The following SYNE2 variants were observed in gnomAD, a reference collection of about 807,000 sequenced individuals.
SYNE2 encodes the protein nesprin-2.
A neutral mutation model predicts 856.3 loss-of-function variants in SYNE2; 431 were observed. The ratio of observed to expected loss-of-function variants is 0.50; its 90% CI spans 0.47 to 0.55. SYNE2 has a LOEUF of 0.55. Among genes scored for constraint, SYNE2 ranks in the 20% least tolerant of loss-of-function variants. SYNE2 has a pLI of 0.00. For synonymous variants in SYNE2, 2,923 were observed against 2,872.3 expected (o/e 1.02, Z -0.56); for missense variants, 8,129 against 8,023.2 (o/e 1.01, Z -0.50).
chr14:64,200,461 C>T (rs2098557052), intron 99 of SYNE2, among the ~76,000 whole-genome samples: 1 of 152,204 alleles, frequency 6.6e-6, no homozygotes, highest in Admixed American at 6.5e-5. Context: ...CAGGGGTTCT[C>T]AGCTACCCTG....
chr14:63,925,973 C>A (rs181544070), intron 2 of SYNE2, among the ~76,000 whole-genome samples: 2 of 152,100 alleles, frequency 1.3e-5, no homozygotes, highest in African/African-American at 2.4e-5. Context: ...CCCACCTCAG[C>A]CCCCCAAACA....
At chr14:64,210,600 C>G (rs2098635542) in intron 103 of SYNE2, among the ~76,000 whole-genome samples, 3 of 152,204 alleles carry the variant, frequency 2.0e-5, no homozygotes, top group Admixed American at 6.5e-5. Flanking sequence ...TGATTATTCT[C>G]TGAATTTCAG....
In SYNE2 at chr14:64,177,465, C is replaced by G; in HGVS notation, c.17538C>G (p.Asn5846Lys). 1 of 1,614,070 alleles carries G rather than the reference C, an allele frequency of 6.2e-7. No individual in the cohort carries two copies. The highest frequency in any genetic ancestry group is 1.1e-5 in the South Asian group (1 of 91,076). ...CAGAGCTTCACGAGGACCTCCATAA[C>G]GAAAAAGAGCTGATTAAGGTATTGA... ...PLPELHEDLH[N>K]EKELIKELEQ... Residue 5846 changes from asparagine (N) to lysine (K), a missense_variant, in exon 96 of 116, where the codon AAC (asparagine) becomes AAG (lysine). Asn to Lys is a moderately conservative substitution (Grantham distance 94). Around this residue, in one of 3 missense-constraint regions of SYNE2, gnomAD observed 5,410 missense variants for 5,284.8 expected, o/e 1.02. Transcript: ENST00000555002.
chr14:64,130,285 G>C lies in SYNE2; in HGVS notation c.14340+37G>C, dbSNP rs1294521833. Reference sequence around the variant, plus strand: ...ACATGGGTCGGGTGACCCCTTCATAGACTAAAATCTTAAGGTATTTCTGAA... The same window carrying C: ...ACATGGGTCGGGTGACCCCTTCATACACTAAAATCTTAAGGTATTTCTGAA... On this transcript the variant is annotated intron_variant, in intron 76 of 115. Coordinates refer to ENST00000555002, the MANE Select transcript of SYNE2 (RefSeq NM_182914.3). 4 of 1,537,538 alleles carry C rather than the reference G, an allele frequency of 2.6e-6. No homozygotes were observed. In the African/African-American group the frequency reaches 4.1e-5, roughly 16 times the overall value.
chr14:64,159,192 T>A, intron 86 of SYNE2, 120 bp from the exon 87 acceptor site: 2 of 1,351,054 alleles, frequency 1.5e-6, no homozygotes, highest in Non-Finnish European at 2.1e-6. Context: ...CCTAATAGTT[T>A]ATCAGAGCTG....
At chr14:63,839,767 T>C (rs777637392) in intron 1 of SYNE2, among the ~76,000 whole-genome samples, 24 of 152,232 alleles carry the variant, frequency 1.6e-4, no homozygotes, top group Non-Finnish European at 2.5e-4. Flanking sequence ...TCTAGGTCTT[T>C]ATTATGTGCG....
rs555774132 is a variant in SYNE2, at chr14:63,988,046, T to C, written c.2313+1429T>C. On this transcript the variant is annotated intron_variant, in intron 19 of 115. Transcript: ENST00000555002. ...CTGAGTCTATCTTAATCCTGTGTTA[T>C]GCTCAGCTCCTAGTACATGGTAGAC... Among the ~76,000 whole-genome samples the C allele has an allele frequency of 5.9e-5, 9 of 152,354 alleles. No homozygotes were observed. The South Asian group carries it at 1.7e-3, about 28-fold the overall frequency.
At chr14:63,919,956 A>G (rs2095577046) in intron 2 of SYNE2, among the ~76,000 whole-genome samples, 3 of 134,194 alleles carry the variant, frequency 2.2e-5, no homozygotes, top group Non-Finnish European at 4.9e-5. Context: ...GATATCAGGC[A>G]CATGATAAAA....
In SYNE2 at chr14:64,003,247, A is replaced by G. The variant is rs1346447101; in HGVS notation, c.4314A>G (p.Glu1438=). Residue 1438 remains glutamate (E), a synonymous_variant, in exon 30 of 116, where the codon GAA becomes GAG. Coordinates refer to ENST00000555002, the MANE Select transcript of SYNE2 (RefSeq NM_182914.3). ...LLEACIFKNN[E]LLKNIQDVQS... The stretch of plus-strand genomic sequence containing the variant: ...AGGCTTGTATTTTCAAAAATAATGA[A>G]CTCCTTAAAAATATTCAAGATGTGC... 6.2e-7 allele frequency: 1 copy of G among 1,613,548 alleles called. No individual in the cohort carries two copies. The highest frequency in any genetic ancestry group is 8.5e-7 in the Non-Finnish European group (1 of 1,179,884).
chr14:64,021,010 A>G lies in SYNE2; in HGVS notation c.5152-305A>G, dbSNP rs531690776. ...TTCCATATATTTTTCTTTATATTTT[A>G]TGTCATGAGCACCATGAGACAGCAC... On this transcript the variant is annotated intron_variant, in intron 35 of 115. Coordinates refer to ENST00000555002, the MANE Select transcript of SYNE2 (RefSeq NM_182914.3). 2.0e-5 allele frequency among the ~76,000 whole-genome samples: 3 copies of G among 152,260 alleles called. No homozygotes were observed. In the East Asian group the frequency reaches 5.8e-4, roughly 29 times the overall value.
At chr14:63,797,072 T>C (rs1183162040) in intron 1 of SYNE2, among the ~76,000 whole-genome samples, 4 of 106,004 alleles carry the variant, frequency 3.8e-5, no homozygotes, top group South Asian at 3.0e-4. Flanking sequence ...GAGTAAGACT[T>C]CATCTCAAAA....
Position 63,943,710 on chromosome 14 carries a change from G to A in SYNE2, c.408+1567G>A, listed in dbSNP as rs201337459. On this transcript the variant is annotated intron_variant, in intron 6 of 115. Coordinates refer to ENST00000555002, the MANE Select transcript of SYNE2 (RefSeq NM_182914.3). ...TTTTGAGACAGAGTCTTGCTCTGTC[G>A]CCCAGGCTGGAGTGCAGTGGCACGA... 1.5e-3 allele frequency among the ~76,000 whole-genome samples: 221 copies of A among 149,410 alleles called. 2 individuals are homozygous for A. In the East Asian group the frequency reaches 0.015, roughly 10 times the overall value.
intron 1 of SYNE2, among the ~76,000 whole-genome samples, chr14:63,812,805 T>C (rs1888664362): frequency 6.6e-6 from 1 of 152,154 alleles, no homozygotes; most frequent in Non-Finnish European, 1.5e-5. Flanking sequence ...TTAGAAAAAC[T>C]AGCTTCTAGG....
intron 32 of SYNE2, among the ~76,000 whole-genome samples, chr14:64,015,488 A>G (rs543337352): frequency 6.6e-6 from 1 of 152,218 alleles, no homozygotes; most frequent in Non-Finnish European, 1.5e-5. Flanking sequence ...AGTTATTTGT[A>G]GCATTAACTT....
intron 1 of SYNE2, among the ~76,000 whole-genome samples, chr14:63,804,769 C>T (rs556158707): frequency 5.3e-4 from 80 of 152,268 alleles, no homozygotes; most frequent in Middle Eastern, 3.4e-3. Context: ...GCTGTGATTA[C>T]GGGTGTGAGC....
At chr14:63,917,572 G>A (rs150643846) in intron 2 of SYNE2, among the ~76,000 whole-genome samples, 4,700 of 152,282 alleles carry the variant, frequency 0.031, 258 homozygotes, top group African/African-American at 0.11. Flanking sequence ...CCAGGTTCAA[G>A]TGATTCTCCT....
At chr14:64,138,424 G>A (rs541054507) in intron 79 of SYNE2, among the ~76,000 whole-genome samples, 1 of 151,836 alleles carries the variant, frequency 6.6e-6, no homozygotes, top group East Asian at 1.9e-4. Flanking sequence ...TGTAGAGATG[G>A]GGTCTCACAT....
At chr14:64,033,379 A>G (rs1318805733) in intron 45 of SYNE2, among the ~76,000 whole-genome samples, 1 of 152,160 alleles carries the variant, frequency 6.6e-6, no homozygotes, top group Non-Finnish European at 1.5e-5. Flanking sequence ...TCATAATCTA[A>G]AAATAAGAAT....
intron 54 of SYNE2, among the ~76,000 whole-genome samples, chr14:64,077,967 G>A (rs1229136454): frequency 2.0e-5 from 3 of 152,120 alleles, no homozygotes; most frequent in East Asian, 1.9e-4. Context: ...TTAGAAGGTT[G>A]TTTCACCCAA....
Sources: allele counts gnomAD v4.1 joint callset (sites outside exome capture counted in the v4.1 genomes callset), GRCh38; gene constraint gnomAD v4.1.1; regional missense constraint gnomAD v4.1.1; transcripts MANE v1.5; gene names NCBI Gene and HGNC (gene_info 2026-07-23, HGNC 2026-07-21).